CCDC18: variants seen among roughly 807,000 people sequenced by gnomAD.
CCDC18 encodes the protein coiled-coil domain containing 18.
CCDC18 carries 157 observed loss-of-function variants against 196.0 expected under a neutral mutation model. That is an observed-to-expected ratio of 0.80 (90% CI 0.70 to 0.91). CCDC18 has a LOEUF of 0.91. Among genes scored for constraint, CCDC18 ranks in the 40% least tolerant of loss-of-function variants. CCDC18 has a pLI of 0.00. For synonymous variants in CCDC18, 482 were observed against 529.2 expected (o/e 0.91, Z 1.22); for missense variants, 1,465 against 1,611.6 (o/e 0.91, Z 1.56).
upstream of CCDC18, chr1:93,180,231 C>G (rs769954339): frequency 6.2e-7 from 1 of 1,611,186 alleles, no homozygotes; most frequent in Non-Finnish European, 8.5e-7. Context: ...GCAGCCAGAT[C>G]TTGTCGCCCA....
At chr1:93,211,931 C>T (rs1489524109) in intron 10 of CCDC18, among the ~76,000 whole-genome samples, 170 bp from the exon 11 acceptor site, 1 of 152,086 alleles carries the variant, frequency 6.6e-6, no homozygotes, top group African/African-American at 2.4e-5. Context: ...GTGGCTGAAC[C>T]AATTTATAAT....
At chr1:93,199,578 G>A (rs894880272) in intron 6 of CCDC18, among the ~76,000 whole-genome samples, 13 of 152,214 alleles carry the variant, frequency 8.5e-5, no homozygotes, top group South Asian at 6.2e-4. Context: ...TGCCTGCAAC[G>A]TAGTGAGCAG....
At position 93,256,350 on chromosome 1, in the gene CCDC18, GA is replaced by G; in HGVS notation, c.3360del (p.Glu1120AspfsTer12). On this transcript the variant is annotated frameshift_variant, in exon 25 of 29. Coordinates refer to ENST00000690025, the MANE Select transcript of CCDC18 (RefSeq NM_001378204.1). LOFTEE classifies it high-confidence loss of function. The stretch of plus-strand genomic sequence containing the variant: ...TGCTTTTCAGGTTATGAAAGAGCAA[GA>G]ACAGTACATTGCCACTCAGTACAAG... ...KEMESVMKEQEQYIATQYKEA... is the reference protein window; with the variant it reads ...KEMESVMKEQXQYIATQYKEA... 6.2e-7 allele frequency: 1 copy of G among 1,614,012 alleles called. No homozygotes were observed. Among genetic ancestry groups the G allele is most frequent in the South Asian group, 1.1e-5 (1 of 91,080 alleles).
intron 1 of CCDC18, among the ~76,000 whole-genome samples, chr1:93,181,487 G>T (rs1649677468): frequency 6.6e-6 from 1 of 152,192 alleles, no homozygotes; most frequent in Non-Finnish European, 1.5e-5. Flanking sequence ...AGTCAGTGAA[G>T]ATAGCCTTTT....
At position 93,270,556 on chromosome 1, in the gene CCDC18, T is replaced by G. The variant is rs796869248; in HGVS notation, c.4095T>G (p.His1365Gln). The G allele has an allele frequency of 6.4e-7, 1 of 1,550,432 alleles. No individual in the cohort carries two copies. Among genetic ancestry groups the G allele is most frequent in the Middle Eastern group, 1.7e-4 (1 of 5,986 alleles). The change falls in exon 28 of 29, where the codon CAT (histidine) becomes CAG (glutamine). Residue 1365 changes from histidine to glutamine, a missense_variant. His to Gln is a conservative substitution (Grantham distance 24, BLOSUM62 0). Coordinates refer to ENST00000690025, the MANE Select transcript of CCDC18 (RefSeq NM_001378204.1). Reference protein sequence around the residue: ...ISASDLTFKIHGDEDLSEELL... With the variant: ...ISASDLTFKIQGDEDLSEELL... ...CCAGTGATCTTACTTTCAAAATTCA[T>G]GGTGATGAAGATCTTTCTGAAGAAT...
At position 93,207,279 on chromosome 1, in the gene CCDC18, A is replaced by G. The variant is rs780402165; in HGVS notation, c.1090A>G (p.Asn364Asp). The stretch of plus-strand genomic sequence containing the variant: ...AGACAAATTTTCTTTAATGAATGAA[A>G]ACCGAGAATTAAAGGTCCGTGTTGC... ...LRDKFSLMNE[N>D]RELKVRVAAQ... Residue 364 changes from asparagine (N) to aspartate (D), a missense_variant, in exon 9 of 29, where the codon AAC becomes GAC. Transcript: ENST00000690025. The G allele has an allele frequency of 1.2e-6, 2 of 1,613,714 alleles. No homozygotes were observed. The highest frequency in any genetic ancestry group is 1.7e-6 in the Non-Finnish European group (2 of 1,179,720).
At chr1:93,204,533 A>C (rs559677802) in intron 7 of CCDC18, among the ~76,000 whole-genome samples, 304 of 152,282 alleles carry the variant, frequency 2.0e-3, no homozygotes, top group South Asian at 7.3e-3. Flanking sequence ...AATAAAAGGA[A>C]GCAAGGAAAA....
intron 28 of CCDC18, among the ~76,000 whole-genome samples, chr1:93,272,544 G>C (rs1665360104): frequency 6.6e-6 from 1 of 152,182 alleles, no homozygotes; most frequent in Admixed American, 6.5e-5. Flanking sequence ...AGGAGGGTGA[G>C]ATCAATTGTG....
chr1:93,208,942 G>A (rs964435805), intron 9 of CCDC18, among the ~76,000 whole-genome samples: 3 of 152,040 alleles, frequency 2.0e-5, no homozygotes, highest in African/African-American at 7.2e-5. Context: ...GGGATTATGG[G>A]CGTGAGCCAC....
In CCDC18 at chr1:93,236,289, T is replaced by C. The variant is rs1660059974; in HGVS notation, c.2502T>C (p.Ser834=). The change falls in exon 19 of 29, where the codon AGT becomes AGC. Residue 834 remains serine, a synonymous_variant. Coordinates refer to ENST00000690025, the MANE Select transcript of CCDC18 (RefSeq NM_001378204.1). ...AAGAACTTCAAAAACAAAGGGAAAG[T>C]TCAGCTGAAAAGTTGAGAAAAATGG... The part of the protein sequence containing the change: ...LEQELQKQRE[S]SAEKLRKMEE... The C allele has an allele frequency of 1.1e-5, 18 of 1,577,790 alleles. No homozygotes were observed. The highest frequency in any genetic ancestry group is 1.4e-5 in the Non-Finnish European group (16 of 1,169,062).
At chr1:93,192,311 T>G (rs1391409366) in intron 5 of CCDC18, among the ~76,000 whole-genome samples, 1 of 152,242 alleles carries the variant, frequency 6.6e-6, no homozygotes, top group East Asian at 1.9e-4. Flanking sequence ...CTAAAAAGAC[T>G]AAGGTGAGAT....
intron 10 of CCDC18, 39 bp from the exon 11 acceptor site, chr1:93,212,062 T>C: frequency 6.5e-7 from 1 of 1,536,984 alleles, no homozygotes; most frequent in Non-Finnish European, 8.8e-7. Flanking sequence ...TTTTATAGAA[T>C]CTTTCTAATA....
At chr1:93,277,954 A>G (rs1665716704) in intron 28 of CCDC18, among the ~76,000 whole-genome samples, 1 of 151,956 alleles carries the variant, frequency 6.6e-6, no homozygotes, top group South Asian at 2.1e-4. Context: ...TCATCAAGCC[A>G]GAATTATTTG....
chr1:93,184,855 A>T (rs567502181), intron 3 of CCDC18, among the ~76,000 whole-genome samples: 2 of 152,020 alleles, frequency 1.3e-5, no homozygotes, highest in South Asian at 4.1e-4. Flanking sequence ...GTCTGAATCT[A>T]CTTTTTAGAA....
At chr1:93,229,302 T>C (rs191458393) in intron 17 of CCDC18, among the ~76,000 whole-genome samples, 2 of 152,360 alleles carry the variant, frequency 1.3e-5, no homozygotes, top group Admixed American at 1.3e-4. Flanking sequence ...TGTGTATTGA[T>C]AAAAAACGTG....
intron 27 of CCDC18, among the ~76,000 whole-genome samples, chr1:93,268,718 A>G (rs554495238): frequency 6.6e-6 from 1 of 152,242 alleles, no homozygotes; most frequent in South Asian, 2.1e-4. Context: ...AATCAAAACC[A>G]CAATGAGATA....
At position 93,217,831 on chromosome 1, in the gene CCDC18, T is replaced by C. The variant is rs779779716; in HGVS notation, c.1924T>C (p.Leu642=). 1 of 1,612,724 alleles carries C rather than the reference T, an allele frequency of 6.2e-7. No individual in the cohort carries two copies. Among genetic ancestry groups the C allele is most frequent in the South Asian group, 1.1e-5 (1 of 91,058 alleles). Residue 642 remains leucine, a synonymous_variant, in exon 14 of 29, where the codon TTG becomes CTG. Coordinates refer to ENST00000690025, the MANE Select transcript of CCDC18 (RefSeq NM_001378204.1). ...LAFEKAKKIH[L]EQHKEMEKQI... ...CTTTGAAAAAGCAAAGAAAATTCAC[T>C]TGGAACAGCATAAAGAAATGGAAAA...
chr1:93,247,900 C>T (rs1661696481), intron 23 of CCDC18, among the ~76,000 whole-genome samples: 1 of 151,692 alleles, frequency 6.6e-6, no homozygotes, highest in African/African-American at 2.4e-5. Flanking sequence ...TGAAAGTGGG[C>T]ATACTTGTCT....
At chr1:93,226,904 CT>C in intron 17 of CCDC18, among the ~76,000 whole-genome samples, 1 of 152,036 alleles carries the variant, frequency 6.6e-6, no homozygotes, top group East Asian at 1.9e-4. Flanking sequence ...ATTTTATTTT[CT>C]TTAAAGAGCA....
Sources: gnomAD v4.1 joint callset for allele counts (sites outside exome capture counted in the v4.1 genomes callset) on GRCh38, gnomAD v4.1.1 for gene constraint, MANE v1.5 for transcripts, NCBI Gene and HGNC (gene_info 2026-07-23, HGNC 2026-07-21) for gene names.